GLDC: variants seen among roughly 807,000 people sequenced by gnomAD.
GLDC encodes the protein glycine dehydrogenase (decarboxylating), mitochondrial.
In GLDC, 104 loss-of-function variants were observed where a neutral mutation model predicts 121.3. That is an observed-to-expected ratio of 0.86 (90% CI 0.73 to 1.01). The LOEUF is 1.01. GLDC is among the 50% of genes least tolerant of loss of function. GLDC has a pLI of 0.00. For synonymous variants in GLDC, 546 were observed against 480.6 expected (o/e 1.14, Z -1.78); for missense variants, 1,429 against 1,306.6 (o/e 1.09, Z -1.44).
chr9:6,534,443 A>T (rs996142964), intron 24 of GLDC, among the ~76,000 whole-genome samples: 3 of 150,802 alleles, frequency 2.0e-5, no homozygotes, highest in Non-Finnish European at 2.9e-5. Context: ...CCCACAGTGG[A>T]GGGAAACACA....
rs548363402 is a variant in GLDC at position 6,605,068 on chromosome 9, T to C, written c.861+63A>G. On this transcript the variant is annotated intron_variant, in intron 6 of 24. Coordinates refer to ENST00000321612, the MANE Select transcript of GLDC (RefSeq NM_000170.3). ...GCACATGAAAAGACAGAGAGAGAGA[T>C]AGGTAGACAGATACAAGTTGGGATA... 7.8e-4 allele frequency: 1,092 copies of C among 1,395,824 alleles called. 8 individuals carry two copies. The highest frequency in any genetic ancestry group is 7.4e-3 in the South Asian group (644 of 86,564). The allele number at this position is 1,395,824 out of a possible 1,614,324, so 86.5% of individuals were successfully genotyped here. A position where few individuals can be genotyped will look rare whatever the true frequency, so the allele number is the denominator to read the frequency against.
chr9:6,638,860 C>T (rs2578290), intron 2 of GLDC, among the ~76,000 whole-genome samples: 92,031 of 151,662 alleles, frequency 0.61, 29,610 homozygotes, highest in African/African-American at 0.81. Flanking sequence ...AATATAAAAA[C>T]TAGCTGGGCA....
At chr9:6,637,212 C>T (rs1271225438) in intron 2 of GLDC, among the ~76,000 whole-genome samples, 1 of 152,028 alleles carries the variant, frequency 6.6e-6, no homozygotes, top group East Asian at 1.9e-4. Context: ...CGAAACCAGC[C>T]TGGCCAACAT....
intron 8 of GLDC, among the ~76,000 whole-genome samples, chr9:6,599,838 T>G (rs1404637164): frequency 6.6e-6 from 1 of 152,138 alleles, no homozygotes; most frequent in East Asian, 1.9e-4. Context: ...AGAGCTCATA[T>G]TTGAAAAGAG....
Position 6,532,833 on chromosome 9 carries a change from T to G in GLDC, c.*184A>C, listed in dbSNP as rs1345305448. 1.6e-6 allele frequency: 1 copy of G among 631,890 alleles called. No individual in the cohort carries two copies. The highest frequency in any genetic ancestry group is 2.8e-6 in the Non-Finnish European group (1 of 351,688). 39.1% of individuals were successfully genotyped at this position (631,890 alleles called of 1,614,324 possible). Reference sequence around the variant, plus strand: ...GCAGAATACCAAAGCAAATCCGTCTTCCAACCATCAGCTTCGACTCCCTCC... The same window carrying G: ...GCAGAATACCAAAGCAAATCCGTCTGCCAACCATCAGCTTCGACTCCCTCC... On this transcript the variant is annotated 3_prime_UTR_variant, in exon 25 of 25. Transcript: ENST00000321612.
chr9:6,582,761 G>C (rs565015202), intron 15 of GLDC, among the ~76,000 whole-genome samples: 163 of 151,584 alleles, frequency 1.1e-3, no homozygotes, highest in African/African-American at 3.7e-3. Context: ...CCCGGGAGGC[G>C]ATCGTTGCAG....
intron 2 of GLDC, among the ~76,000 whole-genome samples, chr9:6,635,476 T>C (rs1819482916): frequency 6.6e-6 from 1 of 152,214 alleles, no homozygotes; most frequent in African/African-American, 2.4e-5. Context: ...TATAATTGAT[T>C]TCAGTTTGAT....
chr9:6,631,857 A>T (rs1283903195), intron 2 of GLDC, among the ~76,000 whole-genome samples: 1 of 152,212 alleles, frequency 6.6e-6, no homozygotes, highest in Non-Finnish European at 1.5e-5. Context: ...TTTTGAACCC[A>T]GGAGTTTGAG....
intron 2 of GLDC, among the ~76,000 whole-genome samples, chr9:6,629,958 T>TG: frequency 3.8e-5 from 3 of 78,650 alleles, no homozygotes; most frequent in Admixed American, 1.3e-4. Context: ...TATATATATA[T>TG]TTTTTTTTTT....
At chr9:6,591,391 A>T (rs1818371806) in intron 11 of GLDC, among the ~76,000 whole-genome samples, 2 of 152,134 alleles carry the variant, frequency 1.3e-5, no homozygotes, top group African/African-American at 4.8e-5. Flanking sequence ...TGTTTATCTG[A>T]ATCCCTAATA....
chr9:6,541,230 C>T (rs990393626), intron 21 of GLDC: 5 of 152,232 alleles, frequency 3.3e-5, no homozygotes, highest in African/African-American at 1.2e-4. Context: ...ACCACACAAC[C>T]ATCATCAGGA....
At chr9:6,644,743 A>G (rs1163546915) in intron 1 of GLDC, 51 bp from the exon 2 acceptor site, 8 of 1,269,916 alleles carry the variant, frequency 6.3e-6, no homozygotes, top group South Asian at 4.8e-5. Context: ...TAAAAGAGTC[A>G]CCTCTGTGTT....
intron 24 of GLDC, 140 bp from the exon 25 acceptor site, chr9:6,533,300 C>T (rs1019554459): frequency 1.6e-5 from 13 of 794,040 alleles, no homozygotes; most frequent in Admixed American, 9.0e-5. Flanking sequence ...TCCAACCCTA[C>T]ATTACCATTT....
At chr9:6,585,054 C>G (rs1417353259) in intron 15 of GLDC, 3 of 152,168 alleles carry the variant, frequency 2.0e-5, no homozygotes, top group African/African-American at 7.2e-5. Flanking sequence ...GGTCCCTTCC[C>G]TCACCCCAGT....
chr9:6,562,583 G>T (rs1026420091), intron 16 of GLDC, among the ~76,000 whole-genome samples: 2 of 151,948 alleles, frequency 1.3e-5, no homozygotes, highest in African/African-American at 4.8e-5. Context: ...TTTTTGAGAG[G>T]GAGTCTTGCT....
In GLDC at chr9:6,533,122, A is replaced by G. The variant is rs1419839738; in HGVS notation, c.2958T>C (p.Ile986=). The change falls in exon 25 of 25, where the codon ATT becomes ATC. Residue 986 remains isoleucine (I), a synonymous_variant. Coordinates refer to ENST00000321612, the MANE Select transcript of GLDC (RefSeq NM_000170.3). The part of the protein sequence containing the change: ...VKPENKFWPT[I]ARIDDIYGDQ... ...CTCCATATATGTCATCAATCCGGGC[A>G]ATCGTTGGCCAGAATTTGTTCTCTG... 6.2e-7 allele frequency: 1 copy of G among 1,613,034 alleles called. No individual in the cohort carries two copies. Among genetic ancestry groups the G allele is most frequent in the Non-Finnish European group, 8.5e-7 (1 of 1,179,112 alleles).
intron 17 of GLDC, chr9:6,558,303 G>T: frequency 1.7e-6 from 1 of 605,308 alleles, no homozygotes; most frequent in Admixed American, 2.9e-5. Flanking sequence ...GCAGAAAGAG[G>T]CAGGCAGGTT....
intron 17 of GLDC, among the ~76,000 whole-genome samples, chr9:6,556,875 T>C (rs915424711): frequency 6.6e-6 from 1 of 152,194 alleles, no homozygotes; most frequent in Non-Finnish European, 1.5e-5. Context: ...AAAAGGACTA[T>C]TCACAAGATT....
chr9:6,546,880 T>G (rs1031991963), intron 21 of GLDC, among the ~76,000 whole-genome samples: 4 of 151,970 alleles, frequency 2.6e-5, no homozygotes, highest in Non-Finnish European at 5.9e-5. Context: ...GAGAATCGCT[T>G]GAACCTGGGA....
Sources: allele counts gnomAD v4.1 joint callset (sites outside exome capture counted in the v4.1 genomes callset), GRCh38; gene constraint gnomAD v4.1.1; transcripts MANE v1.5; gene names NCBI Gene and HGNC (gene_info 2026-07-23, HGNC 2026-07-21).